Variants in RAB27B observed in about 807,000 individuals in gnomAD.
The protein encoded by RAB27B is RAB27B, member RAS oncogene family, also known as ras-related protein Rab-27B.
RAB27B carries 15 observed loss-of-function variants against 24.6 expected under a neutral mutation model. The observed-to-expected ratio is 0.61, with a 90% CI of 0.41 to 0.94. The LOEUF is 0.94. Among genes scored for constraint, RAB27B ranks in the 40% least tolerant of loss-of-function variants. RAB27B has a pLI of 0.00. For missense variants in RAB27B, 261 were observed against 266.8 expected (o/e 0.98, Z 0.15); for synonymous variants, 105 against 92.5 (o/e 1.14, Z -0.78).
chr18:54,768,801 T>C (rs1417787134), intron 2 of RAB27B, among the ~76,000 whole-genome samples: 9 of 152,232 alleles, frequency 5.9e-5, no homozygotes, highest in East Asian at 1.9e-4. Context: ...CAGACACTTA[T>C]AAAACAGTCA....
At chr18:54,883,559 C>T (rs1414868508) in intron 3 of RAB27B, among the ~76,000 whole-genome samples, 1 of 152,104 alleles carries the variant, frequency 6.6e-6, no homozygotes, top group Non-Finnish European at 1.5e-5. Context: ...ACATCTTTAA[C>T]TTCACTGAAG....
intron 2 of RAB27B, among the ~76,000 whole-genome samples, chr18:54,719,364 A>G (rs1469315831): frequency 6.6e-6 from 1 of 152,070 alleles, no homozygotes; most frequent in Non-Finnish European, 1.5e-5. Context: ...TGAGGGAGAA[A>G]GAGACTAAGT....
chr18:54,888,264 T>A (rs1598999045), intron 5 of RAB27B, 146 bp downstream of exon 5: 2 of 840,776 alleles, frequency 2.4e-6, no homozygotes, highest in East Asian at 5.8e-5. Flanking sequence ...ATATATATGA[T>A]GTATTAATGA....
At chr18:54,785,436 GTTTT>G (rs59750951) in intron 2 of RAB27B, among the ~76,000 whole-genome samples, 16 of 101,706 alleles carry the variant, frequency 1.6e-4, no homozygotes, top group African/African-American at 4.6e-4. Context: ...CCTTCCTCAG[GTTTT>G]TTTTTTTTTT....
At chr18:54,739,258 C>A (rs978631126) in intron 2 of RAB27B, among the ~76,000 whole-genome samples, 2 of 151,728 alleles carry the variant, frequency 1.3e-5, no homozygotes, top group Non-Finnish European at 2.9e-5. Flanking sequence ...AGTTTCAGAC[C>A]AGCCTGGCCA....
intron 1 of RAB27B, among the ~76,000 whole-genome samples, chr18:54,852,046 A>G (rs1385375718): frequency 2.0e-5 from 3 of 152,232 alleles, no homozygotes; most frequent in Non-Finnish European, 2.9e-5. Context: ...GACTAACAAC[A>G]GAGTTCTTTA....
chr18:54,798,583 G>A (rs1909496242), intron 2 of RAB27B, among the ~76,000 whole-genome samples: 1 of 152,186 alleles, frequency 6.6e-6, no homozygotes, highest in South Asian at 2.1e-4. Flanking sequence ...GCATAGGTGA[G>A]TCAACCTACA....
chr18:54,815,438 A>T (rs1183975441), intron 2 of RAB27B, among the ~76,000 whole-genome samples: 1 of 152,194 alleles, frequency 6.6e-6, no homozygotes, highest in Non-Finnish European at 1.5e-5. Context: ...ATTCTCATTT[A>T]ACCACCAACA....
At chr18:54,870,768 G>C (rs1405344172) in intron 1 of RAB27B, among the ~76,000 whole-genome samples, 1 of 152,176 alleles carries the variant, frequency 6.6e-6, no homozygotes, top group African/African-American at 2.4e-5. Context: ...CATGCCAACT[G>C]TGGTAAGGTT....
At chr18:54,877,120 C>T (rs571172836) in intron 1 of RAB27B, among the ~76,000 whole-genome samples, 1 of 152,236 alleles carries the variant, frequency 6.6e-6, no homozygotes, top group South Asian at 2.1e-4. Flanking sequence ...CTCACAAGAT[C>T]TGATGGTTTT....
chr18:54,859,779 G>A lies in RAB27B; in HGVS notation c.-19-17788G>A, dbSNP rs941625538. Among the ~76,000 whole-genome samples, 13 of 152,112 alleles carry A rather than the reference G, an allele frequency of 8.5e-5. No homozygotes were observed. The East Asian group carries it at 2.3e-3, about 27-fold the overall frequency. The stretch of plus-strand genomic sequence containing the variant: ...AAAACACTAGGTGAGTTTGAAACGT[G>A]GTCAATCGATTAGGTTACTGCCAAG... On this transcript the variant is annotated intron_variant, in intron 1 of 5. Coordinates refer to ENST00000262094, the MANE Select transcript of RAB27B (RefSeq NM_004163.4).
At chr18:54,879,557 T>A in intron 3 of RAB27B, 103 bp downstream of exon 3, 1 of 926,386 alleles carries the variant, frequency 1.1e-6, no homozygotes, top group Non-Finnish European at 1.8e-6. Context: ...ATTCAACTCT[T>A]CTCCTGGTTT....
chr18:54,747,151 A>T (rs1276917237), intron 2 of RAB27B, among the ~76,000 whole-genome samples: 1 of 151,872 alleles, frequency 6.6e-6, no homozygotes, highest in African/African-American at 2.4e-5. Flanking sequence ...ATAGAGCAGG[A>T]CCTCCTCCCC....
At chr18:54,777,286 AAGAG>A (rs1211674950) in intron 2 of RAB27B, among the ~76,000 whole-genome samples, 5 of 152,204 alleles carry the variant, frequency 3.3e-5, no homozygotes, top group African/African-American at 7.2e-5. Flanking sequence ...AGTGAGAAGG[AAGAG>A]AAAGTACTTG....
rs894466714 is a variant in RAB27B, at chr18:54,890,970, A to G, written c.*1557A>G. 1.7e-5 allele frequency: 2 copies of G among 117,626 alleles called. No individual in the cohort carries two copies. Among genetic ancestry groups the G allele is most frequent in the African/African-American group, 3.2e-5 (1 of 31,714 alleles). 7.3% of individuals were successfully genotyped at this position (117,626 alleles called of 1,614,324 possible). A position where few individuals can be genotyped will look rare whatever the true frequency, so the allele number is the denominator to read the frequency against. On this transcript the variant is annotated 3_prime_UTR_variant, in exon 6 of 6. Transcript: ENST00000262094. ...ATTTCAGTCAATTTTACCAAATAAC[A>G]AAGACAATATATTTTCGTTTTTTTT...
At chr18:54,829,844 T>A (rs185589155) in intron 1 of RAB27B, among the ~76,000 whole-genome samples, 1 of 152,320 alleles carries the variant, frequency 6.6e-6, no homozygotes, top group African/African-American at 2.4e-5. Context: ...TTTTTCATAG[T>A]TTCCTAGCAT....
chr18:54,792,796 G>A (rs1909293677), intron 2 of RAB27B, among the ~76,000 whole-genome samples: 2 of 152,134 alleles, frequency 1.3e-5, no homozygotes, highest in South Asian at 4.1e-4. Context: ...CTAACAAAAA[G>A]GTATTCTAAA....
chr18:54,819,150 ATAAT>A (rs1198096228), intron 2 of RAB27B, among the ~76,000 whole-genome samples: 9 of 147,998 alleles, frequency 6.1e-5, no homozygotes, highest in Admixed American at 1.4e-4. Context: ...CTTATTATAA[ATAAT>A]TATATATTAA....
At chr18:54,835,435 C>G (rs1255159285) in intron 1 of RAB27B, among the ~76,000 whole-genome samples, 1 of 151,878 alleles carries the variant, frequency 6.6e-6, no homozygotes, top group Non-Finnish European at 1.5e-5. Context: ...TATATCTATC[C>G]CTTTCTCACT....
Sources: allele counts gnomAD v4.1 joint callset (sites outside exome capture counted in the v4.1 genomes callset), GRCh38; gene constraint gnomAD v4.1.1; transcripts MANE v1.5; gene names NCBI Gene and HGNC (gene_info 2026-07-23, HGNC 2026-07-21).